The following RBFOX1 variants were observed in gnomAD, a reference collection of about 807,000 sequenced individuals.
RBFOX1 encodes RNA binding protein fox-1 homolog 1.
Under a neutral mutation model 57.7 loss-of-function variants are expected in RBFOX1, and 8 were observed. That is an observed-to-expected ratio of 0.14 (90% CI 0.08 to 0.25). The LOEUF (loss-of-function observed/expected upper bound fraction) is 0.25, where lower values mean the gene tolerates loss of function less well. Among genes scored for constraint, RBFOX1 ranks in the 10% least tolerant of loss-of-function variants. The pLI is 1.00. For missense variants in RBFOX1, 611 were observed against 548.5 expected (o/e 1.11, Z -1.14); for synonymous variants, 326 against 222.4 (o/e 1.47, Z -4.15).
chr16:6,556,473 C>A (rs988565685), intron 2 of RBFOX1, among the ~76,000 whole-genome samples: 2 of 152,162 alleles, frequency 1.3e-5, no homozygotes, highest in Non-Finnish European at 2.9e-5. Context: ...AAACATGTCG[C>A]CTCTGAGGTC....
intron 4 of RBFOX1, among the ~76,000 whole-genome samples, chr16:7,227,923 TC>T (rs2093252090): frequency 6.6e-6 from 1 of 152,208 alleles, no homozygotes; most frequent in Admixed American, 6.5e-5. Flanking sequence ...GCAGGATTTT[TC>T]CACAGCCAGA....
chr16:7,185,956 G>A (rs905271674), intron 4 of RBFOX1, among the ~76,000 whole-genome samples: 1 of 152,096 alleles, frequency 6.6e-6, no homozygotes, highest in Non-Finnish European at 1.5e-5. Context: ...GTCCTCTGAA[G>A]TATGTCTCAG....
chr16:6,833,047 A>T (rs566235807), intron 3 of RBFOX1, among the ~76,000 whole-genome samples: 1 of 151,818 alleles, frequency 6.6e-6, no homozygotes, highest in South Asian at 2.1e-4. Context: ...CTCTTATTCA[A>T]ATATTTCAGG....
chr16:6,648,081 G>T (rs2098548456), intron 2 of RBFOX1, among the ~76,000 whole-genome samples: 1 of 152,152 alleles, frequency 6.6e-6, no homozygotes, highest in South Asian at 2.1e-4. Flanking sequence ...GGCCTCAAGT[G>T]ATCCACCTGC....
intron 3 of RBFOX1, among the ~76,000 whole-genome samples, chr16:6,699,422 G>A (rs977645965): frequency 1.3e-5 from 2 of 151,908 alleles, no homozygotes; most frequent in Admixed American, 1.3e-4. Context: ...AGACCATGCT[G>A]CGTGTCTTTG....
At chr16:5,706,530 T>G (rs780031554) in intron 3 of RBFOX1, among the ~76,000 whole-genome samples, 4 of 152,142 alleles carry the variant, frequency 2.6e-5, no homozygotes, top group Non-Finnish European at 4.4e-5. Flanking sequence ...CATTAAAAAT[T>G]TATCTTCTCT....
chr16:6,724,296 G>T (rs926234316), intron 3 of RBFOX1, among the ~76,000 whole-genome samples: 1 of 145,692 alleles, frequency 6.9e-6, no homozygotes, highest in Non-Finnish European at 1.5e-5. Flanking sequence ...TGTAACCTCT[G>T]CCTCCTGGCT....
At chr16:7,524,798 G>A (rs1477156733) in intron 5 of RBFOX1, among the ~76,000 whole-genome samples, 1 of 152,198 alleles carries the variant, frequency 6.6e-6, no homozygotes, top group African/African-American at 2.4e-5. Flanking sequence ...GTATTGGTTG[G>A]TGATGGTGTC....
intron 5 of RBFOX1, among the ~76,000 whole-genome samples, chr16:7,555,148 T>A (rs1323069031): frequency 6.6e-6 from 1 of 152,192 alleles, no homozygotes; most frequent in Non-Finnish European, 1.5e-5. Context: ...CCCACCCTCT[T>A]ACCCTCAACT....
intron 4 of RBFOX1, among the ~76,000 whole-genome samples, chr16:7,166,409 T>G (rs1205994331): frequency 6.6e-6 from 1 of 151,810 alleles, no homozygotes; most frequent in Non-Finnish European, 1.5e-5. Context: ...TAAGGAAAGA[T>G]AGAAAACTAT....
chr16:6,570,560 G>A (rs1485288469), intron 2 of RBFOX1, among the ~76,000 whole-genome samples: 1 of 151,796 alleles, frequency 6.6e-6, no homozygotes, highest in Non-Finnish European at 1.5e-5. Flanking sequence ...TGCTTAATTG[G>A]AAAAAATAAA....
chr16:6,790,365 A>C (rs2082712385), intron 3 of RBFOX1, among the ~76,000 whole-genome samples: 1 of 151,766 alleles, frequency 6.6e-6, no homozygotes, highest in African/African-American at 2.4e-5. Flanking sequence ...TTGTATTTTT[A>C]GTAGAGATGG....
intron 3 of RBFOX1, among the ~76,000 whole-genome samples, chr16:5,821,604 T>TTTA (rs2055861515): frequency 6.6e-6 from 1 of 152,200 alleles, no homozygotes; most frequent in African/African-American, 2.4e-5. Flanking sequence ...TGTCTGGTTC[T>TTTA]TTATTATTAT....
At chr16:5,777,257 C>A (rs1329854564) in intron 3 of RBFOX1, among the ~76,000 whole-genome samples, 9 of 152,184 alleles carry the variant, frequency 5.9e-5, no homozygotes, top group African/African-American at 1.7e-4. Flanking sequence ...ATCATGGCCC[C>A]TTCCTCTACC....
At chr16:7,452,596 A>G (rs564519220) in intron 4 of RBFOX1, among the ~76,000 whole-genome samples, 44 of 152,326 alleles carry the variant, frequency 2.9e-4, no homozygotes, top group South Asian at 1.5e-3. Context: ...TTATTTATTC[A>G]TGCATGAAAT....
intron 2 of RBFOX1, among the ~76,000 whole-genome samples, chr16:6,331,942 C>T (rs1224063535): frequency 6.6e-6 from 1 of 152,128 alleles, no homozygotes; most frequent in African/African-American, 2.4e-5. Context: ...GTTTCTCATG[C>T]ATGAGAGGCT....
intron 11 of RBFOX1, among the ~76,000 whole-genome samples, chr16:7,643,641 G>T (rs907991190): frequency 9.2e-5 from 14 of 152,130 alleles, no homozygotes; most frequent in Non-Finnish European, 1.9e-4. Flanking sequence ...TACAGAATCT[G>T]CATTCCCAAT....
At position 7,595,651 on chromosome 16, in the gene RBFOX1, C is replaced by G. The variant is rs1327275151; in HGVS notation, c.561+10C>G. 1.3e-6 allele frequency: 2 copies of G among 1,567,562 alleles called. No homozygotes were observed. Among genetic ancestry groups the G allele is most frequent in the African/African-American group, 1.4e-5 (1 of 73,818 alleles). Reference sequence around the variant, plus strand: ...GGGCCGTAAAATCGAGGTGCATGTTCAAAATATTTTCCTTTTCATCTTTTT... The same window carrying G: ...GGGCCGTAAAATCGAGGTGCATGTTGAAAATATTTTCCTTTTCATCTTTTT... On this transcript the variant is annotated intron_variant, in intron 8 of 15. Transcript: ENST00000550418.
chr16:6,109,519 A>G (rs2096419751), intron 1 of RBFOX1, among the ~76,000 whole-genome samples: 1 of 151,692 alleles, frequency 6.6e-6, no homozygotes, highest in South Asian at 2.1e-4. Flanking sequence ...GTTGTAAAAA[A>G]CTCTTTTTCC....
Sources: gnomAD v4.1 joint callset for allele counts (sites outside exome capture counted in the v4.1 genomes callset) on GRCh38, gnomAD v4.1.1 for gene constraint, MANE v1.5 for transcripts, NCBI Gene and HGNC (gene_info 2026-07-23, HGNC 2026-07-21) for gene names.